Variants in SYT16 observed in about 807,000 individuals in gnomAD.
SYT16 encodes the protein synaptotagmin-16.
A neutral mutation model predicts 61.4 loss-of-function variants in SYT16; 42 were observed. The observed-to-expected ratio is 0.68, with a 90% CI of 0.53 to 0.89. The LOEUF (loss-of-function observed/expected upper bound fraction) is 0.89. SYT16 is among the 40% of genes least tolerant of loss of function. The pLI is 0.00. For synonymous variants in SYT16, 314 were observed against 302.3 expected (o/e 1.04, Z -0.40); for missense variants, 804 against 807.3 (o/e 1.00, Z 0.05).
chr14:61,823,666 C>T (rs1417345199), intron 1 of SYT16, among the ~76,000 whole-genome samples: 3 of 151,198 alleles, frequency 2.0e-5, no homozygotes, highest in South Asian at 2.1e-4. Context: ...GCAGGAGAAT[C>T]GCTTGAGCCT....
chr14:61,891,040 T>G (rs2048105358), intron 1 of SYT16, among the ~76,000 whole-genome samples: 1 of 152,212 alleles, frequency 6.6e-6, no homozygotes, highest in Non-Finnish European at 1.5e-5. Flanking sequence ...TTGTCTCCAG[T>G]GTGTGTGAGT....
At chr14:61,997,784 G>A (rs2052828651) in intron 3 of SYT16, among the ~76,000 whole-genome samples, 1 of 152,002 alleles carries the variant, frequency 6.6e-6, no homozygotes, top group African/African-American at 2.4e-5. Flanking sequence ...TCTTGAAAAG[G>A]TTGAACTATA....
intron 3 of SYT16, among the ~76,000 whole-genome samples, chr14:62,019,628 G>T (rs997396060): frequency 1.3e-5 from 2 of 152,094 alleles, no homozygotes; most frequent in Admixed American, 1.3e-4. Flanking sequence ...GTGAAGTTTG[G>T]CCTAGAATCA....
At chr14:61,896,921 G>T (rs1270217830) in intron 1 of SYT16, among the ~76,000 whole-genome samples, 2 of 152,176 alleles carry the variant, frequency 1.3e-5, no homozygotes, top group East Asian at 3.8e-4. Context: ...TTAGTTGCTT[G>T]TTAGAACTGA....
chr14:62,064,256 A>G (rs1566812458), intron 3 of SYT16, among the ~76,000 whole-genome samples: 1 of 142,068 alleles, frequency 7.0e-6, no homozygotes, highest in Non-Finnish European at 1.5e-5. Context: ...CACATCAGCT[A>G]TTTAGTTGGT....
intron 2 of SYT16, among the ~76,000 whole-genome samples, chr14:61,974,730 C>G (rs2051710989): frequency 1.3e-5 from 2 of 152,310 alleles, no homozygotes; most frequent in Middle Eastern, 3.4e-3. Context: ...TTTAGTTTCT[C>G]AACACTGAGT....
intron 1 of SYT16, among the ~76,000 whole-genome samples, chr14:61,926,289 G>A (rs534055405): frequency 6.6e-6 from 1 of 152,184 alleles, no homozygotes; most frequent in African/African-American, 2.4e-5. Flanking sequence ...GAAACTCATG[G>A]GAAACACAGT....
intron 1 of SYT16, among the ~76,000 whole-genome samples, chr14:61,839,954 GAGA>G (rs1423049977): frequency 1.3e-5 from 2 of 151,694 alleles, no homozygotes; most frequent in East Asian, 1.9e-4. Flanking sequence ...AAAGGGAGAG[GAGA>G]AGGAGAGATG....
chr14:61,917,359 C>T (rs2049160536), intron 1 of SYT16, among the ~76,000 whole-genome samples: 1 of 152,140 alleles, frequency 6.6e-6, no homozygotes, highest in African/African-American at 2.4e-5. Context: ...CCTATTCATC[C>T]TCTGGGCCAC....
chr14:61,907,272 C>T (rs2048759799), intron 1 of SYT16, among the ~76,000 whole-genome samples: 1 of 152,100 alleles, frequency 6.6e-6, no homozygotes, highest in Admixed American at 6.5e-5. Context: ...GCTTGTGTTT[C>T]CTGAGTGAGA....
intron 3 of SYT16, among the ~76,000 whole-genome samples, chr14:62,011,606 A>G (rs2053452386): frequency 6.6e-6 from 1 of 152,116 alleles, no homozygotes; most frequent in Non-Finnish European, 1.5e-5. Context: ...AGTGGAGGAA[A>G]GGTGATTTAC....
chr14:62,066,657 A>C (rs1263997633), intron 3 of SYT16, among the ~76,000 whole-genome samples: 2 of 152,226 alleles, frequency 1.3e-5, no homozygotes, highest in Non-Finnish European at 2.9e-5. Flanking sequence ...GAACAACCAT[A>C]TTCTTCTCTG....
At chr14:61,834,162 C>G (rs2046046059) in intron 1 of SYT16, among the ~76,000 whole-genome samples, 1 of 151,798 alleles carries the variant, frequency 6.6e-6, no homozygotes, top group African/African-American at 2.4e-5. Flanking sequence ...ATGGAGTCTC[C>G]CACTGTCGCC....
intron 1 of SYT16, among the ~76,000 whole-genome samples, chr14:61,855,661 T>C (rs908436321): frequency 8.5e-5 from 13 of 152,218 alleles, no homozygotes; most frequent in Non-Finnish European, 1.5e-4. Flanking sequence ...CCATCCTAAG[T>C]TGGGGACTAT....
chr14:62,084,485 A>G (rs779426055), intron 7 of SYT16, 100 bp downstream of exon 7: 2 of 1,333,488 alleles, frequency 1.5e-6, no homozygotes, highest in Non-Finnish European at 2.0e-6. Context: ...CATAAAAATG[A>G]TCTTATTATG....
intron 1 of SYT16, among the ~76,000 whole-genome samples, chr14:61,960,978 T>C (rs2051095827): frequency 6.6e-6 from 1 of 152,110 alleles, no homozygotes; most frequent in South Asian, 2.1e-4. Context: ...CCTACAATCA[T>C]CTGATCTTTG....
intron 3 of SYT16, among the ~76,000 whole-genome samples, chr14:62,005,587 T>A (rs1488847813): frequency 6.6e-6 from 1 of 152,214 alleles, no homozygotes. Context: ...CATTATGACT[T>A]TGAATTCCAC....
intron 7 of SYT16, among the ~76,000 whole-genome samples, chr14:62,094,281 G>A (rs1045154734): frequency 2.6e-5 from 4 of 152,000 alleles, no homozygotes; most frequent in Admixed American, 1.3e-4. Flanking sequence ...TCAGAGATCC[G>A]GAATCAATCA....
Position 61,994,995 on chromosome 14 carries a change from C to T in SYT16, c.-144-881C>T, listed in dbSNP as rs1341737355. ...TAAGCAGTGTGTTAGGCCCTCTAGTCATTTGTAACGTTCATCTTGAGCTGT... is the reference window on the plus strand; with the variant it reads ...TAAGCAGTGTGTTAGGCCCTCTAGTTATTTGTAACGTTCATCTTGAGCTGT... On this transcript the variant is annotated intron_variant, in intron 2 of 7. Coordinates refer to ENST00000683842, the MANE Select transcript of SYT16 (RefSeq NM_001367656.1). 2.0e-5 allele frequency among the ~76,000 whole-genome samples: 3 copies of T among 152,126 alleles called. No homozygotes were observed. In the East Asian group the frequency reaches 5.8e-4, roughly 29 times the overall value.
Sources: gnomAD v4.1 joint callset for allele counts (sites outside exome capture counted in the v4.1 genomes callset) on GRCh38, gnomAD v4.1.1 for gene constraint, MANE v1.5 for transcripts, NCBI Gene and HGNC (gene_info 2026-07-23, HGNC 2026-07-21) for gene names.